The following RANBP2 variants were observed in gnomAD, a reference collection of about 807,000 sequenced individuals.
RANBP2 encodes RAN binding protein 2.
RANBP2 carries 57 observed loss-of-function variants against 303.6 expected under a neutral mutation model. The observed-to-expected ratio is 0.19, with a 90% CI of 0.15 to 0.23. The LOEUF (loss-of-function observed/expected upper bound fraction) is 0.23. Ranked by LOEUF, RANBP2 falls within the 10% of genes least tolerant of loss-of-function variation. RANBP2 has a pLI of 1.00. For synonymous variants in RANBP2, 1,167 were observed against 1,301.5 expected, an observed-to-expected ratio of 0.90 and a Z score of 2.23; for missense variants, 3,138 against 3,780.8, an observed-to-expected ratio of 0.83 and a Z score of 4.46.
chr2:108,775,627 T>C, intron 23 of RANBP2, 105 bp from the exon 24 acceptor site: 7 of 1,192,054 alleles, frequency 5.9e-6, no homozygotes, highest in Non-Finnish European at 8.6e-6. Flanking sequence ...TTATTCTATC[T>C]TCTCCAGAAG....
At chr2:109,524,643 G>A in the RANBP2 span, among the ~76,000 whole-genome samples, 2 of 151,870 alleles carry the variant, frequency 1.3e-5, no homozygotes, top group Non-Finnish European at 2.9e-5. Flanking sequence ...TGTAATTCCA[G>A]CTGAGGCAGG....
chr2:109,064,949 T>C, the RANBP2 span, among the ~76,000 whole-genome samples: 1 of 152,124 alleles, frequency 6.6e-6, no homozygotes, highest in African/African-American at 2.4e-5. Context: ...AAATAAAAAT[T>C]TCACGAGATT....
the RANBP2 span, among the ~76,000 whole-genome samples, chr2:109,705,073 CAAAATAAATAAA>C: frequency 9.9e-6 from 1 of 100,790 alleles, no homozygotes; most frequent in Non-Finnish European, 2.0e-5. Context: ...GACTCCCTCT[CAAAATAAATAAA>C]TAAATAAATA....
At chr2:109,044,044 G>A in the RANBP2 span, among the ~76,000 whole-genome samples, 1 of 152,152 alleles carries the variant, frequency 6.6e-6, no homozygotes, top group East Asian at 1.9e-4. Context: ...TTAATAAAAG[G>A]CATAATCAAA....
At chr2:109,437,489 C>G in the RANBP2 span, among the ~76,000 whole-genome samples, 1 of 152,212 alleles carries the variant, frequency 6.6e-6, no homozygotes, top group Non-Finnish European at 1.5e-5. Flanking sequence ...AAGAGGGCCT[C>G]ATAGACTAAT....
intron 7 of RANBP2, among the ~76,000 whole-genome samples, chr2:108,741,278 C>T (rs1257784957): frequency 1.3e-5 from 2 of 150,770 alleles, no homozygotes; most frequent in East Asian, 3.9e-4. Context: ...CTCACTGCAG[C>T]CTCCACCTCC....
the RANBP2 span, among the ~76,000 whole-genome samples, chr2:109,494,862 C>T: frequency 0.014 from 2,170 of 152,264 alleles, 51 homozygotes; most frequent in African/African-American, 0.049. Flanking sequence ...AGAGCGGGCG[C>T]TGCTCTCCTC....
chr2:109,149,984 A>T, the RANBP2 span, among the ~76,000 whole-genome samples: 1 of 152,250 alleles, frequency 6.6e-6, no homozygotes, highest in East Asian at 1.9e-4. Context: ...TCCCCTGGGG[A>T]ACCTCCCCAA....
chr2:109,643,473 C>T, the RANBP2 span, among the ~76,000 whole-genome samples: 298 of 152,176 alleles, frequency 2.0e-3, no homozygotes, highest in African/African-American at 7.0e-3. Flanking sequence ...AAGAAGCCTG[C>T]CAAAGGCTGG....
At chr2:109,160,993 G>A in the RANBP2 span, among the ~76,000 whole-genome samples, 1 of 152,228 alleles carries the variant, frequency 6.6e-6, no homozygotes, top group Non-Finnish European at 1.5e-5. Flanking sequence ...GGGATCCCTG[G>A]GAGAACTGAG....
the RANBP2 span, among the ~76,000 whole-genome samples, chr2:109,009,984 CAT>C: frequency 1.3e-5 from 2 of 152,256 alleles, no homozygotes; most frequent in South Asian, 4.1e-4. Flanking sequence ...TCCTTGGAAA[CAT>C]AATTCTAACA....
the RANBP2 span, among the ~76,000 whole-genome samples, chr2:109,601,585 G>A: frequency 1.3e-5 from 2 of 151,884 alleles, no homozygotes; most frequent in African/African-American, 4.8e-5. Flanking sequence ...CTCCTTCTTT[G>A]TTTCTCTTAT....
At chr2:109,743,204 G>C in the RANBP2 span, among the ~76,000 whole-genome samples, 1 of 148,090 alleles carries the variant, frequency 6.8e-6, no homozygotes, top group Non-Finnish European at 1.5e-5. Flanking sequence ...CTGGGAGGCC[G>C]ATGCTGCAGT....
the RANBP2 span, among the ~76,000 whole-genome samples, chr2:109,074,993 T>C: frequency 1.8e-5 from 2 of 108,724 alleles, no homozygotes; most frequent in East Asian, 2.8e-4. Flanking sequence ...ACCACTGCAC[T>C]CCAGCCTGGG....
the RANBP2 span, among the ~76,000 whole-genome samples, chr2:109,040,238 T>G: frequency 2.0e-4 from 31 of 152,216 alleles, no homozygotes; most frequent in African/African-American, 7.5e-4. Flanking sequence ...ATTCTACATC[T>G]TTTTCATAAA....
chr2:108,977,103 G>T, the RANBP2 span, among the ~76,000 whole-genome samples: 1 of 152,056 alleles, frequency 6.6e-6, no homozygotes, highest in African/African-American at 2.4e-5. Context: ...CAATAAGGAG[G>T]CACTGATGAT....
At chr2:109,077,429 T>A in the RANBP2 span, among the ~76,000 whole-genome samples, 1 of 150,390 alleles carries the variant, frequency 6.6e-6, no homozygotes, top group Non-Finnish European at 1.5e-5. Flanking sequence ...TAACACCAAA[T>A]GCACAAGCAA....
chr2:109,339,893 AT>A, the RANBP2 span, among the ~76,000 whole-genome samples: 6 of 152,222 alleles, frequency 3.9e-5, no homozygotes, highest in African/African-American at 1.4e-4. Context: ...ACAGATAATT[AT>A]CAGGGCTCCA....
the RANBP2 span, among the ~76,000 whole-genome samples, chr2:108,841,139 C>A: frequency 6.6e-6 from 1 of 151,912 alleles, no homozygotes; most frequent in Non-Finnish European, 1.5e-5. Flanking sequence ...TCTGGCTCAA[C>A]CCTTGAGTTC....
Sources: gnomAD v4.1 joint callset for allele counts (sites outside exome capture counted in the v4.1 genomes callset) on GRCh38, gnomAD v4.1.1 for gene constraint, MANE v1.5 for transcripts, NCBI Gene and HGNC (gene_info 2026-07-23, HGNC 2026-07-21) for gene names.